Variants in LRP1B observed in about 807,000 individuals in gnomAD.
The protein encoded by LRP1B is LDL receptor related protein 1B.
LRP1B carries 217 observed loss-of-function variants against 556.6 expected under a neutral mutation model. The ratio of observed to expected loss-of-function variants is 0.39; its 90% CI spans 0.35 to 0.44. LRP1B has a LOEUF of 0.44. Ranked by LOEUF, LRP1B falls within the 20% of genes least tolerant of loss-of-function variation. The pLI is 1.00. For synonymous variants in LRP1B, 2,047 were observed against 1,865.8 expected (o/e 1.10, Z -2.50); for missense variants, 5,053 against 5,620.8 (o/e 0.90, Z 3.23).
At chr2:140,402,413 C>CA (rs1453070343) in intron 66 of LRP1B, among the ~76,000 whole-genome samples, 1 of 152,180 alleles carries the variant, frequency 6.6e-6, no homozygotes, top group African/African-American at 2.4e-5. Context: ...GGGCTTCTTC[C>CA]ATGAGAGCTT....
chr2:141,579,817 A>G (rs1686899632), intron 2 of LRP1B, among the ~76,000 whole-genome samples: 3 of 139,284 alleles, frequency 2.2e-5, no homozygotes, highest in African/African-American at 8.2e-5. Flanking sequence ...CTCCTGCCTC[A>G]GCCTCCCAAG....
chr2:141,487,937 TAGGGATTAA>T (rs1254753089), intron 2 of LRP1B, among the ~76,000 whole-genome samples: 2 of 152,078 alleles, frequency 1.3e-5, no homozygotes, highest in Non-Finnish European at 2.9e-5. Flanking sequence ...ATTTGAAAAA[TAGGGATTAA>T]TAATACTTTC....
At chr2:140,434,842 C>T (rs956680578) in intron 66 of LRP1B, among the ~76,000 whole-genome samples, 1 of 152,052 alleles carries the variant, frequency 6.6e-6, no homozygotes. Context: ...TGAAAACAGC[C>T]TTTTTCATAG....
rs529999555 is a variant in LRP1B, at chr2:141,441,055, AT to A, written c.343+39340del. ...AATAGTGTGAGGCTGAGAAGCCCTG[AT>A]TTTTTTTTTATTTTTTATTTTTTAT... On this transcript the variant is annotated intron_variant, in intron 3 of 90. Transcript: ENST00000389484. 5.8e-4 allele frequency among the ~76,000 whole-genome samples: 86 copies of A among 148,820 alleles called. No homozygotes were observed. The East Asian group carries it at 0.012, about 21-fold the overall frequency.
intron 2 of LRP1B, among the ~76,000 whole-genome samples, chr2:141,629,131 T>A (rs1688814824): frequency 6.6e-6 from 1 of 152,192 alleles, no homozygotes; most frequent in Admixed American, 6.5e-5. Flanking sequence ...TAATGACTCT[T>A]AATATGCCTT....
intron 42 of LRP1B, among the ~76,000 whole-genome samples, chr2:140,600,952 C>T (rs1682642208): frequency 6.6e-6 from 1 of 151,320 alleles, no homozygotes; most frequent in Non-Finnish European, 1.5e-5. Flanking sequence ...CAGCTGTAGA[C>T]TACTTAGACT....
In LRP1B at chr2:140,841,027, C is replaced by T. The variant is rs2105097914; in HGVS notation, c.5005G>A (p.Glu1669Lys). ...VSRNLYWISS[E>K]FDETQINVAR... is the part of the protein sequence containing the mutation. ...ACATTAATTTGCGTTTCATCAAATT[C>T]TGAGCTAATCCAGTATAAATTACGT... The change falls in exon 30 of 91, where the codon GAA becomes AAA. Residue 1669 changes from glutamate (E) to lysine (K), a missense_variant. This residue lies in a region of LRP1B where 3,619 missense variants were observed against 3,931.9 expected (regional missense o/e 0.92). Coordinates refer to ENST00000389484, the MANE Select transcript of LRP1B (RefSeq NM_018557.3). 1 of 1,613,400 alleles carries T rather than the reference C, an allele frequency of 6.2e-7. No individual in the cohort carries two copies. The highest frequency in any genetic ancestry group is 8.5e-7 in the Non-Finnish European group (1 of 1,179,478).
At chr2:142,073,692 A>G (rs986321983) in intron 1 of LRP1B, among the ~76,000 whole-genome samples, 10 of 151,998 alleles carry the variant, frequency 6.6e-5, no homozygotes, top group African/African-American at 2.4e-4. Context: ...CTCATGTTCA[A>G]TTGTAATCCC....
intron 41 of LRP1B, among the ~76,000 whole-genome samples, chr2:140,686,818 C>G (rs1375367531): frequency 6.6e-6 from 1 of 151,792 alleles, no homozygotes; most frequent in South Asian, 2.1e-4. Flanking sequence ...TCTATGGGAA[C>G]AGCATATGTA....
chr2:141,575,993 A>C (rs938114973), intron 2 of LRP1B, among the ~76,000 whole-genome samples: 1 of 152,174 alleles, frequency 6.6e-6, no homozygotes, highest in Non-Finnish European at 1.5e-5. Flanking sequence ...TGTTGGTGGG[A>C]ATGTAAATTC....
intron 2 of LRP1B, among the ~76,000 whole-genome samples, chr2:141,683,942 C>G (rs914998417): frequency 6.6e-6 from 1 of 151,974 alleles, no homozygotes; most frequent in African/African-American, 2.4e-5. Flanking sequence ...CAGGAAACAA[C>G]AGATGTTGGA....
chr2:141,909,063 T>C (rs1168434010), intron 1 of LRP1B, among the ~76,000 whole-genome samples: 1 of 152,060 alleles, frequency 6.6e-6, no homozygotes, highest in African/African-American at 2.4e-5. Flanking sequence ...TTATGGAGAC[T>C]TCACTGATCC....
chr2:141,494,553 T>C (rs1182642583), intron 2 of LRP1B, among the ~76,000 whole-genome samples: 1 of 151,770 alleles, frequency 6.6e-6, no homozygotes, highest in East Asian at 1.9e-4. Flanking sequence ...ATTGCTGTTT[T>C]TGCCACTGAA....
intron 73 of LRP1B, 68 bp from the exon 74 acceptor site, chr2:140,358,184 G>A (rs1682323482): frequency 2.8e-6 from 4 of 1,435,180 alleles, no homozygotes; most frequent in Non-Finnish European, 3.8e-6. Flanking sequence ...GCATGTAATA[G>A]CTCCAAAATT....
At chr2:141,857,527 G>A (rs879363285) in intron 1 of LRP1B, among the ~76,000 whole-genome samples, 17 of 151,634 alleles carry the variant, frequency 1.1e-4, no homozygotes, top group Non-Finnish European at 2.4e-4. Flanking sequence ...TGTAGACATG[G>A]GGTCTCAACA....
At chr2:141,608,161 T>C (rs1432232083) in intron 2 of LRP1B, among the ~76,000 whole-genome samples, 1 of 151,812 alleles carries the variant, frequency 6.6e-6, no homozygotes, top group Non-Finnish European at 1.5e-5. Flanking sequence ...GAGGTGGAGG[T>C]TGCAGTGAGC....
intron 75 of LRP1B, among the ~76,000 whole-genome samples, chr2:140,353,835 T>G (rs1374996204): frequency 6.6e-6 from 1 of 152,026 alleles, no homozygotes; most frequent in East Asian, 1.9e-4. Flanking sequence ...TTTGGGCACA[T>G]CTCTAACACA....
chr2:141,887,565 A>G (rs1699165134), intron 1 of LRP1B, among the ~76,000 whole-genome samples: 1 of 152,186 alleles, frequency 6.6e-6, no homozygotes, highest in Non-Finnish European at 1.5e-5. Context: ...TGTATGAAAC[A>G]ATTAAATTGA....
chr2:140,514,746 C>T lies in LRP1B; in HGVS notation c.8176G>A (p.Ala2726Thr), dbSNP rs775553876. The change falls in exon 51 of 91, where the codon GCT (alanine) becomes ACT (threonine). Residue 2726 changes from alanine (A) to threonine (T), a missense_variant. Around this residue, in one of 5 missense-constraint regions of LRP1B, gnomAD observed 3,619 missense variants for 3,931.9 expected, o/e 0.92. Transcript: ENST00000389484. The stretch of plus-strand genomic sequence containing the variant: ...GAAATACATTTTTGTGCGGAACAAG[C>T]AAATTGGTTCCAAGAGCAAGAAGAA... ...CDSSCSWNQF[A>T]CSAQKCISKH... The T allele has an allele frequency of 4.4e-6, 7 of 1,609,118 alleles. No homozygotes were observed. The highest frequency in any genetic ancestry group is 2.5e-6 in the Non-Finnish European group (3 of 1,177,418).
Sources: allele counts gnomAD v4.1 joint callset (sites outside exome capture counted in the v4.1 genomes callset), GRCh38; gene constraint gnomAD v4.1.1; regional missense constraint gnomAD v4.1.1; transcripts MANE v1.5; gene names NCBI Gene and HGNC (gene_info 2026-07-23, HGNC 2026-07-21).